Variants in TRIM2 observed in about 807,000 individuals in gnomAD.
TRIM2 encodes the protein tripartite motif containing 2, also known as tripartite motif-containing protein 2.
In TRIM2, 20 loss-of-function variants were observed where a neutral mutation model predicts 75.2. The observed-to-expected ratio is 0.27, with a 90% CI of 0.19 to 0.39. TRIM2 has a LOEUF of 0.39. Ranked by LOEUF, TRIM2 falls within the 10% of genes least tolerant of loss-of-function variation. The pLI is 1.00. For synonymous variants in TRIM2, 373 were observed against 388.3 expected, an observed-to-expected ratio of 0.96 and a Z score of 0.46; for missense variants, 660 against 990.8, an observed-to-expected ratio of 0.67 and a Z score of 4.48.
intron 1 of TRIM2, among the ~76,000 whole-genome samples, chr4:153,223,796 A>G (rs1240300392): frequency 6.6e-6 from 1 of 152,168 alleles, no homozygotes; most frequent in Non-Finnish European, 1.5e-5. Context: ...AATTTATGGA[A>G]CAGAGACAGC....
intron 1 of TRIM2, among the ~76,000 whole-genome samples, chr4:153,249,359 C>A (rs1750217386): frequency 6.6e-6 from 1 of 152,204 alleles, no homozygotes; most frequent in South Asian, 2.1e-4. Flanking sequence ...GGTGAAAGCC[C>A]CTAGGGCTCC....
chr4:153,313,406 C>T (rs1356594583), intron 6 of TRIM2, among the ~76,000 whole-genome samples: 1 of 152,090 alleles, frequency 6.6e-6, no homozygotes, highest in African/African-American at 2.4e-5. Flanking sequence ...TGGTGAGAAC[C>T]AGCTCATCTA....
intron 4 of TRIM2, 129 bp from the exon 5 acceptor site, chr4:153,294,176 C>T: frequency 4.4e-6 from 4 of 917,168 alleles, no homozygotes; most frequent in Non-Finnish European, 6.5e-6. Flanking sequence ...TTATTCTGTT[C>T]TCTGGTTATT....
intron 3 of TRIM2, among the ~76,000 whole-genome samples, chr4:153,288,172 C>T (rs1187580350): frequency 1.3e-5 from 2 of 152,056 alleles, no homozygotes; most frequent in East Asian, 1.9e-4. Flanking sequence ...CATGGTGGCT[C>T]GCACCTGTAA....
chr4:153,251,045 C>T (rs1426682116), intron 1 of TRIM2, among the ~76,000 whole-genome samples: 1 of 152,170 alleles, frequency 6.6e-6, no homozygotes. Context: ...TCAGCTGGTT[C>T]CCAATTAATC....
Position 153,337,341 on chromosome 4 carries a change from A to G in TRIM2, c.*2375A>G. On this transcript the variant is annotated 3_prime_UTR_variant, in exon 12 of 12. Coordinates refer to ENST00000338700, the MANE Select transcript of TRIM2 (RefSeq NM_015271.5). The stretch of plus-strand genomic sequence containing the variant: ...AACTTACAATCTAACCAGCCATCAT[A>G]TCATATCCTATCAGGCTAGATATCT... The G allele has an allele frequency of 2.0e-6, 2 of 985,894 alleles. No homozygotes were observed. Among genetic ancestry groups the G allele is most frequent in the Non-Finnish European group, 1.2e-6 (1 of 829,932 alleles). 61.1% of individuals were successfully genotyped at this position (985,894 alleles called of 1,614,324 possible).
chr4:153,302,064 G>A (rs1764026325), intron 6 of TRIM2, among the ~76,000 whole-genome samples: 1 of 152,032 alleles, frequency 6.6e-6, no homozygotes. Context: ...ATCACTTGGG[G>A]GTATGGGCAT....
rs764154708 is a variant in TRIM2 at position 153,270,457 on chromosome 4, T to C, written c.153T>C (p.Ser51=). ...TTGACAAGCAGTTTCTGATTTGCAG[T>C]ATATGCCTGGAACGGTACAAGAATC... ...RQIDKQFLIC[S]ICLERYKNPK... is the part of the protein sequence containing the mutation. Residue 51 remains serine, a synonymous_variant, in exon 2 of 12, where the codon AGT becomes AGC. Coordinates refer to ENST00000338700, the MANE Select transcript of TRIM2 (RefSeq NM_015271.5). 6 of 1,614,024 alleles carry C rather than the reference T, an allele frequency of 3.7e-6. No individual in the cohort carries two copies. Among genetic ancestry groups the C allele is most frequent in the Non-Finnish European group, 5.1e-6 (6 of 1,179,980 alleles).
chr4:153,231,955 CATG>C (rs1338033690), intron 1 of TRIM2, among the ~76,000 whole-genome samples: 3 of 152,112 alleles, frequency 2.0e-5, no homozygotes, highest in Non-Finnish European at 4.4e-5. Context: ...TGGGTGCTGA[CATG>C]ATGCTCAAAG....
At chr4:153,221,151 T>C (rs990533019) in intron 1 of TRIM2, among the ~76,000 whole-genome samples, 1 of 152,210 alleles carries the variant, frequency 6.6e-6, no homozygotes, top group African/African-American at 2.4e-5. Context: ...TATAACATTC[T>C]TTGGCAATAA....
At chr4:153,225,228 A>G (rs1342828720) in intron 1 of TRIM2, among the ~76,000 whole-genome samples, 1 of 152,212 alleles carries the variant, frequency 6.6e-6, no homozygotes, top group Non-Finnish European at 1.5e-5. Flanking sequence ...TATATCAAAT[A>G]TGTCTTAGAT....
chr4:153,293,410 C>T (rs145017702), intron 4 of TRIM2, among the ~76,000 whole-genome samples: 1 of 152,356 alleles, frequency 6.6e-6, no homozygotes, highest in East Asian at 1.9e-4. Flanking sequence ...AAATAAACTG[C>T]TCTCAGGAGA....
chr4:153,242,279 CA>C (rs1746833589), intron 1 of TRIM2, among the ~76,000 whole-genome samples: 1 of 151,882 alleles, frequency 6.6e-6, no homozygotes, highest in Non-Finnish European at 1.5e-5. Context: ...CTTAACTACA[CA>C]AAGTTGGTAC....
At chr4:153,333,153 A>C (rs1771862833) in intron 11 of TRIM2, among the ~76,000 whole-genome samples, 1 of 152,232 alleles carries the variant, frequency 6.6e-6, no homozygotes, top group Non-Finnish European at 1.5e-5. Context: ...GGAACAGACT[A>C]ATGATACACT....
chr4:153,260,425 T>C (rs1753116648), intron 1 of TRIM2, among the ~76,000 whole-genome samples: 1 of 151,978 alleles, frequency 6.6e-6, no homozygotes, highest in African/African-American at 2.4e-5. Flanking sequence ...GGTGAGGCAA[T>C]GGCCTTCTTT....
At chr4:153,269,326 T>TA (rs1486377673) in intron 1 of TRIM2, among the ~76,000 whole-genome samples, 1 of 152,222 alleles carries the variant, frequency 6.6e-6, no homozygotes, top group Admixed American at 6.5e-5. Context: ...GTATGGTAGA[T>TA]AAGGTTTGTT....
rs769236248 is a variant in TRIM2, at chr4:153,296,031, G to A, written c.1505G>A (p.Arg502Gln). ...CCCATCGAAGACGATTTGATCTTTC[G>A]AGTGGGTAAGGAGAGGGCTTCTGTG... ...ENPIEDDLIF[R>Q]VGTKGRNKGE... The change falls in exon 6 of 12, where the codon CGA (arginine) becomes CAA (glutamine). Residue 502 changes from arginine (R) to glutamine (Q), a missense_variant. Arg to Gln is a conservative substitution (Grantham distance 43). Transcript: ENST00000338700. 6.6e-6 allele frequency: 10 copies of A among 1,522,258 alleles called. No homozygotes were observed. Among genetic ancestry groups the A allele is most frequent in the Non-Finnish European group, 7.9e-6 (9 of 1,137,200 alleles). 94.3% of individuals were successfully genotyped at this position (1,522,258 alleles called of 1,614,324 possible). A position where few individuals can be genotyped will look rare whatever the true frequency, so the allele number is the denominator to read the frequency against.
intron 1 of TRIM2, among the ~76,000 whole-genome samples, chr4:153,244,352 T>TTCTTCTTCC (rs1560874221): frequency 6.0e-5 from 2 of 33,170 alleles, no homozygotes; most frequent in Admixed American, 4.2e-4. Context: ...CTTCTTCTTC[T>TTCTTCTTCC]TCCTCTTCTT....
chr4:153,209,972 C>A (rs149500066), intron 1 of TRIM2, among the ~76,000 whole-genome samples: 1 of 152,158 alleles, frequency 6.6e-6, no homozygotes, highest in Non-Finnish European at 1.5e-5. Flanking sequence ...GAATCATGCA[C>A]CATAAACAGC....
Sources: allele counts gnomAD v4.1 joint callset (sites outside exome capture counted in the v4.1 genomes callset), GRCh38; gene constraint gnomAD v4.1.1; transcripts MANE v1.5; gene names NCBI Gene and HGNC (gene_info 2026-07-23, HGNC 2026-07-21).